Variants in CSMD1 observed in about 807,000 individuals in gnomAD.
The protein encoded by CSMD1 is CUB and Sushi multiple domains 1, also known as CUB and sushi domain-containing protein 1.
A neutral mutation model predicts 417.5 loss-of-function variants in CSMD1; 213 were observed. The observed-to-expected ratio is 0.51, with a 90% CI of 0.46 to 0.57. The LOEUF is 0.57. Among genes scored for constraint, CSMD1 ranks in the 20% least tolerant of loss-of-function variants. The probability of loss-of-function intolerance (pLI) is 0.00; values close to 1 mark genes in which losing one functional copy is unlikely to be tolerated. For missense variants in CSMD1, 6,923 were observed against 4,529.7 expected (o/e 1.53, Z -15.17); for synonymous variants, 2,862 against 1,736.8 (o/e 1.65, Z -16.11).
chr8:4,815,869 G>T (rs1461209463), intron 1 of CSMD1, among the ~76,000 whole-genome samples: 2 of 152,022 alleles, frequency 1.3e-5, no homozygotes, highest in Non-Finnish European at 2.9e-5. Flanking sequence ...TAAAGAGTGG[G>T]ACTGCTTTGT....
At chr8:3,793,363 T>G (rs926218825) in intron 5 of CSMD1, among the ~76,000 whole-genome samples, 3 of 152,172 alleles carry the variant, frequency 2.0e-5, no homozygotes, top group African/African-American at 7.2e-5. Context: ...ATTCTGTCAT[T>G]TTCTTTTTCT....
intron 5 of CSMD1, among the ~76,000 whole-genome samples, chr8:3,761,868 C>T (rs191078214): frequency 1.3e-5 from 2 of 152,190 alleles, no homozygotes; most frequent in East Asian, 1.9e-4. Context: ...TTGTCTCTGG[C>T]AAAGGCCTTC....
intron 7 of CSMD1, among the ~76,000 whole-genome samples, chr8:3,643,950 G>A (rs1797443461): frequency 6.6e-6 from 1 of 152,210 alleles, no homozygotes; most frequent in East Asian, 1.9e-4. Flanking sequence ...TGGATGAAAT[G>A]TGGTAGATAG....
intron 18 of CSMD1, among the ~76,000 whole-genome samples, chr8:3,371,640 A>G (rs1809952782): frequency 6.6e-6 from 1 of 152,200 alleles, no homozygotes; most frequent in South Asian, 2.1e-4. Context: ...CTCTTCCACA[A>G]ATAATATTCA....
chr8:4,078,442 A>C (rs1799946275), intron 3 of CSMD1, among the ~76,000 whole-genome samples: 1 of 151,044 alleles, frequency 6.6e-6, no homozygotes, highest in South Asian at 2.1e-4. Flanking sequence ...AGCCTCTTGA[A>C]TAGCTGGGAC....
rs779510460 is a variant in CSMD1 at position 3,998,055 on chromosome 8, C to A, written c.666G>T (p.Pro222=). 3.1e-6 allele frequency: 5 copies of A among 1,597,294 alleles called. No individual in the cohort carries two copies. Among genetic ancestry groups the A allele is most frequent in the Non-Finnish European group, 3.4e-6 (4 of 1,171,330 alleles). The change falls in exon 5 of 70, where the codon CCG becomes CCT. Residue 222 remains proline, a synonymous_variant. Transcript: ENST00000635120. ...TGTTCTCGTACTCTGAAGGGAAGTG[C>A]GGGCTGGAGATGGAGCTGCTGGTCC... ...LRGTSSSISS[P]HFPSEYENNA...
chr8:4,041,002 T>TTCTG (rs1320225702), intron 3 of CSMD1, among the ~76,000 whole-genome samples: 1 of 137,842 alleles, frequency 7.3e-6, no homozygotes, highest in African/African-American at 2.6e-5. Context: ...TTTCTTTTCT[T>TTCTG]TCTTTTTTTT....
intron 3 of CSMD1, among the ~76,000 whole-genome samples, chr8:4,321,929 T>C (rs946609237): frequency 6.6e-6 from 1 of 152,098 alleles, no homozygotes; most frequent in African/African-American, 2.4e-5. Flanking sequence ...AGTATATTTT[T>C]ATTTCTGCAT....
At chr8:4,789,439 C>T (rs549389568) in intron 1 of CSMD1, among the ~76,000 whole-genome samples, 1 of 152,240 alleles carries the variant, frequency 6.6e-6, no homozygotes, top group East Asian at 1.9e-4. Context: ...TGTGTATCCC[C>T]AGAGTTTACA....
At chr8:3,511,854 T>G (rs1158237618) in intron 10 of CSMD1, among the ~76,000 whole-genome samples, 1 of 150,434 alleles carries the variant, frequency 6.6e-6, no homozygotes, top group Non-Finnish European at 1.5e-5. Flanking sequence ...ATATAATAAA[T>G]GTAATATGCA....
At position 3,820,074 on chromosome 8, in the gene CSMD1, T is replaced by G. The variant is rs1231714577; in HGVS notation, c.819-66032A>C. On this transcript the variant is annotated intron_variant, in intron 5 of 69. Transcript: ENST00000635120. ...TCGAGTACATTTCCACTTAAGACGC[T>G]CAGTGATTCTGCATTTTCTTCAGGG... 2.0e-5 allele frequency among the ~76,000 whole-genome samples: 3 copies of G among 152,306 alleles called. No homozygotes were observed. In the East Asian group the frequency reaches 5.8e-4, roughly 29 times the overall value.
intron 2 of CSMD1, among the ~76,000 whole-genome samples, chr8:4,422,092 A>G (rs1403598141): frequency 6.6e-6 from 1 of 152,092 alleles, no homozygotes; most frequent in Non-Finnish European, 1.5e-5. Context: ...CAACTAACCA[A>G]TGAAAAAATA....
chr8:3,476,426 A>G (rs73174860), intron 11 of CSMD1, among the ~76,000 whole-genome samples: 29,578 of 152,120 alleles, frequency 0.19, 3,647 homozygotes, highest in Non-Finnish European at 0.27. Context: ...TTCACATGGT[A>G]TAAAATTTTT....
At chr8:4,488,597 C>A (rs1416486753) in intron 2 of CSMD1, among the ~76,000 whole-genome samples, 3 of 152,090 alleles carry the variant, frequency 2.0e-5, no homozygotes, top group African/African-American at 4.8e-5. Context: ...GCTTTCAATT[C>A]CTGTGCTTTA....
At chr8:4,992,963 C>A (rs1164308091) in intron 1 of CSMD1, among the ~76,000 whole-genome samples, 1 of 152,148 alleles carries the variant, frequency 6.6e-6, no homozygotes, top group Non-Finnish European at 1.5e-5. Context: ...TCAGCTTTCA[C>A]GGAGCCCTGG....
At chr8:3,868,159 C>A (rs117291707) in intron 5 of CSMD1, among the ~76,000 whole-genome samples, 1 of 152,232 alleles carries the variant, frequency 6.6e-6, no homozygotes, top group East Asian at 1.9e-4. Flanking sequence ...CCTAATTCCA[C>A]TCCACTCTGC....
chr8:4,074,342 T>C (rs1799712180), intron 3 of CSMD1, among the ~76,000 whole-genome samples: 1 of 152,106 alleles, frequency 6.6e-6, no homozygotes. Flanking sequence ...GGCATCTGAA[T>C]GTAAAATGTA....
intron 7 of CSMD1, among the ~76,000 whole-genome samples, chr8:3,647,381 G>C (rs1797628488): frequency 5.1e-5 from 1 of 19,678 alleles, no homozygotes; most frequent in African/African-American, 4.7e-4. Context: ...ATACAGCATA[G>C]AAAGAAATAT....
At chr8:4,399,845 G>A (rs959401884) in intron 3 of CSMD1, among the ~76,000 whole-genome samples, 1 of 152,276 alleles carries the variant, frequency 6.6e-6, no homozygotes, top group East Asian at 1.9e-4. Context: ...ATTAAGGTGA[G>A]AGAAAGATCC....
Sources: allele counts gnomAD v4.1 joint callset (sites outside exome capture counted in the v4.1 genomes callset), GRCh38; gene constraint gnomAD v4.1.1; transcripts MANE v1.5; gene names NCBI Gene and HGNC (gene_info 2026-07-23, HGNC 2026-07-21).